Variants in CCL26 observed in about 807,000 individuals in gnomAD.
CCL26 encodes the protein C-C motif chemokine ligand 26.
Under a neutral mutation model 10.7 loss-of-function variants are expected in CCL26, and 10 were observed. The ratio of observed to expected loss-of-function variants is 0.93; its 90% CI spans 0.57 to 1.58. The LOEUF (loss-of-function observed/expected upper bound fraction) is 1.58. CCL26 is among the 40% of genes most tolerant of loss of function. The pLI, the probability that CCL26 is intolerant of heterozygous loss-of-function variation, is 0.00. For missense variants in CCL26, 116 were observed against 111.0 expected (o/e 1.05, Z -0.20); for synonymous variants, 43 against 41.4 (o/e 1.04, Z -0.15).
At chr7:75,791,371 T>C (rs556895298), upstream of CCL26, among the ~76,000 whole-genome samples, 173 of 152,226 alleles carry the variant, frequency 1.1e-3, no homozygotes, top group African/African-American at 4.0e-3. Flanking sequence ...AGTCAGGACC[T>C]TGAGTATGCC....
At chr7:75,771,294 C>G (rs1485179872) in intron 2 of CCL26, among the ~76,000 whole-genome samples, 4 of 152,132 alleles carry the variant, frequency 2.6e-5, no homozygotes, top group African/African-American at 9.7e-5. Flanking sequence ...TCACCACAAT[C>G]AATTTTAGGA....
chr7:75,780,467 G>A (rs754776236), intron 1 of CCL26, among the ~76,000 whole-genome samples: 8 of 151,992 alleles, frequency 5.3e-5, no homozygotes, highest in Non-Finnish European at 7.4e-5. Context: ...AAACCTAAAT[G>A]CCTTATTTTC....
intron 1 of CCL26, among the ~76,000 whole-genome samples, chr7:75,779,112 C>T (rs1803004972): frequency 6.6e-6 from 1 of 152,090 alleles, no homozygotes; most frequent in South Asian, 2.1e-4. Context: ...CCTTGTGTCC[C>T]CCACCCCTGC....
chr7:75,781,375 C>T (rs782738952), intron 1 of CCL26, among the ~76,000 whole-genome samples: 3 of 152,216 alleles, frequency 2.0e-5, no homozygotes, highest in Non-Finnish European at 2.9e-5. Flanking sequence ...ACTCCTGAAC[C>T]GCAGCTGCCA....
intron 1 of CCL26, among the ~76,000 whole-genome samples, chr7:75,778,849 G>T (rs7798330): frequency 0.024 from 1,883 of 78,376 alleles, 40 homozygotes; most frequent in African/African-American, 0.11. Flanking sequence ...AGGCCAAGGT[G>T]GGGGGGGCAG....
upstream of CCL26, among the ~76,000 whole-genome samples, chr7:75,772,488 C>G (rs1802846712): frequency 6.6e-6 from 1 of 152,000 alleles, no homozygotes. Context: ...GAAACCCTGT[C>G]TCTACTAAAA....
chr7:75,790,363 C>T (rs1274116326), upstream of CCL26, among the ~76,000 whole-genome samples: 2 of 151,434 alleles, frequency 1.3e-5, no homozygotes, highest in Non-Finnish European at 2.9e-5. Context: ...AGTCCTCCCA[C>T]CTCAGCCTTC....
chr7:75,790,218 T>TCTTCCTTC (rs1242802621), upstream of CCL26, among the ~76,000 whole-genome samples: 1,288 of 66,710 alleles, frequency 0.019, 79 homozygotes, highest in Non-Finnish European at 0.03. Flanking sequence ...TTTCTTTCTT[T>TCTTCCTTC]CTTCCTTCCT....
At chr7:75,782,864 C>A (rs894062746) in intron 1 of CCL26, among the ~76,000 whole-genome samples, 1 of 152,112 alleles carries the variant, frequency 6.6e-6, no homozygotes, top group Non-Finnish European at 1.5e-5. Flanking sequence ...TCAGTCTCCA[C>A]CCCAAGCTCT....
At chr7:75,776,339 G>A (rs528790915), upstream of CCL26, among the ~76,000 whole-genome samples, 16 of 151,716 alleles carry the variant, frequency 1.1e-4, no homozygotes, top group South Asian at 3.1e-3. Context: ...CCCAAGTGCT[G>A]GGATTACAGG....
chr7:75,776,651 T>C (rs1469583555), upstream of CCL26, among the ~76,000 whole-genome samples: 1 of 151,954 alleles, frequency 6.6e-6, no homozygotes, highest in African/African-American at 2.4e-5. Flanking sequence ...GGCTGAGGCG[T>C]GAACACTTTA....
chr7:75,791,306 G>T (rs1803327704), upstream of CCL26, among the ~76,000 whole-genome samples: 1 of 152,116 alleles, frequency 6.6e-6, no homozygotes, highest in Non-Finnish European at 1.5e-5. Context: ...TTACAGGTGT[G>T]AGCCACCACG....
intron 1 of CCL26, among the ~76,000 whole-genome samples, chr7:75,781,336 C>T (rs183564246): frequency 1.6e-3 from 245 of 152,348 alleles, no homozygotes; most frequent in Non-Finnish European, 3.0e-3. Context: ...CAAACCCCAG[C>T]CACATCTCCA....
chr7:75,774,787 A>T (rs1293357346), upstream of CCL26, among the ~76,000 whole-genome samples: 1 of 151,880 alleles, frequency 6.6e-6, no homozygotes, highest in African/African-American at 2.4e-5. Flanking sequence ...GTATGGTGGC[A>T]TGTGCACCTG....
intron 1 of CCL26, among the ~76,000 whole-genome samples, chr7:75,777,721 G>GAAAAAATAAA (rs1802971462): frequency 1.7e-5 from 1 of 60,542 alleles, no homozygotes. Context: ...TCCTGTCTCA[G>GAAAAAATAAA]AAAAAAAAAA....
At chr7:75,782,718 A>T (rs912403827) in intron 1 of CCL26, among the ~76,000 whole-genome samples, 2 of 152,078 alleles carry the variant, frequency 1.3e-5, no homozygotes, top group African/African-American at 4.8e-5. Flanking sequence ...AGATCTAGAT[A>T]ATTTTTGTCG....
intron 1 of CCL26, among the ~76,000 whole-genome samples, chr7:75,788,365 C>G (rs1803249060): frequency 6.6e-6 from 1 of 152,000 alleles, no homozygotes; most frequent in African/African-American, 2.4e-5. Context: ...CCTTGTGTCC[C>G]TCACCCCTGC....
At chr7:75,785,438 T>C (rs1803162950) in intron 1 of CCL26, among the ~76,000 whole-genome samples, 1 of 152,196 alleles carries the variant, frequency 6.6e-6, no homozygotes, top group South Asian at 2.1e-4. Context: ...GACACTCTCC[T>C]GCTCCTTCAA....
intron 2 of CCL26, among the ~76,000 whole-genome samples, chr7:75,771,173 C>A (rs1802812689): frequency 6.6e-6 from 1 of 152,098 alleles, no homozygotes; most frequent in East Asian, 1.9e-4. Flanking sequence ...CAGCCTTGAA[C>A]TCCTGGGCTC....
Sources: gnomAD v4.1 joint callset for allele counts (sites outside exome capture counted in the v4.1 genomes callset) on GRCh38, gnomAD v4.1.1 for gene constraint, MANE v1.5 for transcripts, NCBI Gene and HGNC (gene_info 2026-07-23, HGNC 2026-07-21) for gene names.